The following BRWD1 variants were observed in gnomAD, a reference collection of about 807,000 sequenced individuals.
BRWD1 encodes the protein bromodomain and WD repeat-containing protein 1.
A neutral mutation model predicts 251.2 loss-of-function variants in BRWD1; 82 were observed. That is an observed-to-expected ratio of 0.33 (90% confidence interval 0.27 to 0.39). BRWD1 has a LOEUF of 0.39. Ranked by LOEUF, BRWD1 falls within the 10% of genes least tolerant of loss-of-function variation. The pLI is 1.00. For missense variants in BRWD1, 2,233 were observed against 2,711.6 expected (o/e 0.82, Z 3.92); for synonymous variants, 918 against 902.8 (o/e 1.02, Z -0.30).
At position 39,186,953 on chromosome 21, in the gene BRWD1, G is replaced by C; in HGVS notation, c.*9306C>G. The C allele has an allele frequency of 1.3e-6, 2 of 1,497,688 alleles. No individual in the cohort carries two copies. Among genetic ancestry groups the C allele is most frequent in the Non-Finnish European group, 1.8e-6 (2 of 1,129,258 alleles). 92.8% of individuals were successfully genotyped at this position (1,497,688 alleles called of 1,614,324 possible). A position where few individuals can be genotyped will look rare whatever the true frequency, so the allele number is the denominator to read the frequency against. The stretch of plus-strand genomic sequence containing the variant: ...CAATAAGGGAGTAATTTTAGAGCTG[G>C]GAGCAGAATGTAACTGCCAGTTTAC... On this transcript the variant is annotated 3_prime_UTR_variant, in exon 41 of 41. Transcript: ENST00000342449.
chr21:39,289,200 C>A (rs756731751), intron 8 of BRWD1, among the ~76,000 whole-genome samples: 47 of 152,132 alleles, frequency 3.1e-4, no homozygotes, highest in Admixed American at 7.9e-4. Context: ...TATTTCCCCA[C>A]CTCTATTAAG....
Position 39,313,483 on chromosome 21 carries a change from C to G in BRWD1, c.9G>C (p.Glu3Asp). Residue 3 changes from glutamate to aspartate, a missense_variant, in exon 1 of 41, where the codon GAG becomes GAC. Coordinates refer to ENST00000342449, the MANE Select transcript of BRWD1 (RefSeq NM_033656.4). ...GCACCGGGCGTCGGGCGGACGACGGCTCCGCCATGGCCGGGCGCGGGGCGG... is the reference window on the plus strand; with the variant it reads ...GCACCGGGCGTCGGGCGGACGACGGGTCCGCCATGGCCGGGCGCGGGGCGG... MA[E>D]PSSARRPVPL... is the part of the protein sequence containing the mutation. 1 of 1,341,180 alleles carries G rather than the reference C, an allele frequency of 7.5e-7. No homozygotes were observed. Among genetic ancestry groups the G allele is most frequent in the Non-Finnish European group, 9.5e-7 (1 of 1,052,648 alleles). 83.1% of individuals were successfully genotyped at this position (1,341,180 alleles called of 1,614,324 possible).
At chr21:39,300,122 T>C (rs187945413) in intron 4 of BRWD1, among the ~76,000 whole-genome samples, 71 of 152,276 alleles carry the variant, frequency 4.7e-4, no homozygotes, top group African/African-American at 1.5e-3. Flanking sequence ...GTGGCCGGCA[T>C]GACTGATTAG....
chr21:39,205,034 C>A (rs2032321741), intron 37 of BRWD1, among the ~76,000 whole-genome samples: 1 of 152,146 alleles, frequency 6.6e-6, no homozygotes, highest in Non-Finnish European at 1.5e-5. Flanking sequence ...TTGAAAAAAT[C>A]TATAATTTTA....
At chr21:39,306,988 G>A (rs576680693) in intron 4 of BRWD1, among the ~76,000 whole-genome samples, 1 of 152,204 alleles carries the variant, frequency 6.6e-6, no homozygotes, top group East Asian at 1.9e-4. Context: ...CAAGTAGCTG[G>A]GATTACAGGC....
intron 8 of BRWD1, among the ~76,000 whole-genome samples, chr21:39,281,555 C>T (rs1212202503): frequency 6.6e-6 from 1 of 152,060 alleles, no homozygotes; most frequent in Non-Finnish European, 1.5e-5. Flanking sequence ...ATTGTCCAGG[C>T]GTGATGACAC....
Position 39,186,916 on chromosome 21 carries a change from C to T in BRWD1, c.*9343G>A. The T allele has an allele frequency of 6.8e-7, 1 of 1,477,372 alleles. No individual in the cohort carries two copies. Among genetic ancestry groups the T allele is most frequent in the Non-Finnish European group, 8.9e-7 (1 of 1,117,688 alleles). 91.5% of individuals were successfully genotyped at this position (1,477,372 alleles called of 1,614,324 possible). ...CTGGATTATGGCTTTTAGAAAATTC[C>T]TCCAAAGATGCCAATAAGGGAGTAA... On this transcript the variant is annotated 3_prime_UTR_variant, in exon 41 of 41. Coordinates refer to ENST00000342449, the MANE Select transcript of BRWD1 (RefSeq NM_033656.4).
At chr21:39,204,459 AAAG>A (rs1383113788) in intron 37 of BRWD1, among the ~76,000 whole-genome samples, 1 of 152,156 alleles carries the variant, frequency 6.6e-6, no homozygotes, top group Non-Finnish European at 1.5e-5. Context: ...CTACATAGTC[AAAG>A]AATATAGAAT....
At chr21:39,306,214 C>T (rs2036282968) in intron 4 of BRWD1, among the ~76,000 whole-genome samples, 4 of 151,686 alleles carry the variant, frequency 2.6e-5, no homozygotes, top group South Asian at 2.1e-4. Context: ...GGACTACAGG[C>T]GCCCGCCACC....
chr21:39,279,638 CAAAAAAAAAAAAA>C (rs77282416), intron 9 of BRWD1, among the ~76,000 whole-genome samples: 2 of 66,928 alleles, frequency 3.0e-5, no homozygotes, highest in African/African-American at 1.7e-4. Context: ...GACTCCATCT[CAAAAAAAAAAAAA>C]AAAAAGAAAA....
Position 39,197,229 on chromosome 21 carries a change from T to A in BRWD1, c.5840A>T (p.Asp1947Val). The A allele has an allele frequency of 6.2e-7, 1 of 1,613,988 alleles. No individual in the cohort carries two copies. Among genetic ancestry groups the A allele is most frequent in the Non-Finnish European group, 8.5e-7 (1 of 1,179,892 alleles). ...AGTGTGCACATTTTCTAAACTGACA[T>A]CTTCTACATCACTCATGAGCTTGAT... ...NKIKLMSDVE[D>V]VSLENVHTRS... Residue 1947 changes from aspartate (D) to valine (V), a missense_variant, in exon 41 of 41, where the codon GAT becomes GTT. By Grantham distance (152) the Asp-to-Val change is radical (BLOSUM62 -3). This residue lies in a region of BRWD1 where 928 missense variants were observed against 970.0 expected (regional missense o/e 0.96). Transcript: ENST00000342449.
chr21:39,206,906 T>C (rs148938553), intron 36 of BRWD1, among the ~76,000 whole-genome samples: 1,877 of 152,346 alleles, frequency 0.012, 19 homozygotes, highest in Non-Finnish European at 0.018. Flanking sequence ...CTCCACGACT[T>C]TTCCTGAAAA....
chr21:39,197,636 G>C (rs1019726260), intron 40 of BRWD1, among the ~76,000 whole-genome samples: 2 of 152,136 alleles, frequency 1.3e-5, no homozygotes, highest in African/African-American at 4.8e-5. Flanking sequence ...ACATCACAGA[G>C]TGTGCTTACA....
intron 33 of BRWD1, 95 bp downstream of exon 33, chr21:39,213,386 T>C: frequency 1.0e-6 from 1 of 994,710 alleles, no homozygotes; most frequent in Non-Finnish European, 1.6e-6. Flanking sequence ...ATTGGACTAC[T>C]ACAAGAGTTG....
At chr21:39,256,906 A>G (rs564275167) in intron 18 of BRWD1, among the ~76,000 whole-genome samples, 1 of 152,352 alleles carries the variant, frequency 6.6e-6, no homozygotes, top group Non-Finnish European at 1.5e-5. Context: ...ATGTGTACCA[A>G]TGTGCATTAG....
chr21:39,305,945 G>T (rs2036273181), intron 4 of BRWD1, among the ~76,000 whole-genome samples: 1 of 151,996 alleles, frequency 6.6e-6, no homozygotes, highest in Admixed American at 6.6e-5. Flanking sequence ...GAATCGGGAG[G>T]ATCACCTGTG....
At chr21:39,224,987 A>T in intron 28 of BRWD1, 99 bp downstream of exon 28, 1 of 927,968 alleles carries the variant, frequency 1.1e-6, no homozygotes, top group East Asian at 2.5e-5. Context: ...AATGACAGAT[A>T]AAAACCATGT....
chr21:39,301,154 G>A (rs575625491), intron 4 of BRWD1, among the ~76,000 whole-genome samples: 10 of 151,402 alleles, frequency 6.6e-5, no homozygotes, highest in African/African-American at 2.4e-4. Flanking sequence ...ACTCCAGCCT[G>A]GGTGACAGAG....
In BRWD1 at chr21:39,188,013, G is replaced by T; in HGVS notation, c.*8246C>A. 1.0e-6 allele frequency: 1 copy of T among 982,354 alleles called. No individual in the cohort carries two copies. The highest frequency in any genetic ancestry group is 1.2e-6 in the Non-Finnish European group (1 of 828,818). 60.9% of individuals were successfully genotyped at this position (982,354 alleles called of 1,614,324 possible). A position where few individuals can be genotyped will look rare whatever the true frequency, so the allele number is the denominator to read the frequency against. ...TTCATGCAGACTAAGGCAGTTTTTA[G>T]AGGGGGCTTGAAATCACACTGGAGC... is the stretch of plus-strand genomic sequence containing the variant. On this transcript the variant is annotated 3_prime_UTR_variant, in exon 41 of 41. Transcript: ENST00000342449.
Sources: allele counts gnomAD v4.1 joint callset (sites outside exome capture counted in the v4.1 genomes callset), GRCh38; gene constraint gnomAD v4.1.1; regional missense constraint gnomAD v4.1.1; transcripts MANE v1.5; gene names NCBI Gene and HGNC (gene_info 2026-07-23, HGNC 2026-07-21).